CNNM1: variants seen among roughly 807,000 people sequenced by gnomAD.
CNNM1 encodes metal transporter CNNM1.
Under a neutral mutation model 78.8 loss-of-function variants are expected in CNNM1, and 44 were observed. The observed-to-expected ratio is 0.56, with a 90% confidence interval of 0.44 to 0.72. The LOEUF is 0.72. Ranked by LOEUF, CNNM1 falls within the 30% of genes least tolerant of loss-of-function variation. CNNM1 has a pLI of 0.00. For missense variants in CNNM1, 1,101 were observed against 1,292.2 expected (o/e 0.85, Z 2.27); for synonymous variants, 584 against 581.5 (o/e 1.00, Z -0.06).
At chr10:99,336,741 T>G (rs1397296227) in intron 1 of CNNM1, among the ~76,000 whole-genome samples, 1 of 152,098 alleles carries the variant, frequency 6.6e-6, no homozygotes, top group Non-Finnish European at 1.5e-5. Flanking sequence ...CCGAGACAGG[T>G]GGATCATTTG....
intron 7 of CNNM1, among the ~76,000 whole-genome samples, chr10:99,387,465 G>A (rs556939929): frequency 3.3e-5 from 5 of 152,254 alleles, no homozygotes; most frequent in South Asian, 2.1e-4. Flanking sequence ...AGTCACCCCC[G>A]ACTGACCCTT....
At chr10:99,378,788 C>G (rs535118868) in intron 7 of CNNM1, among the ~76,000 whole-genome samples, 1 of 152,194 alleles carries the variant, frequency 6.6e-6, no homozygotes, top group Non-Finnish European at 1.5e-5. Context: ...GTAAATGGCA[C>G]AGCCAAGCTT....
chr10:99,356,274 G>A (rs529514827), intron 1 of CNNM1, among the ~76,000 whole-genome samples: 9 of 152,094 alleles, frequency 5.9e-5, no homozygotes, highest in African/African-American at 1.2e-4. Flanking sequence ...TCAAGAGATC[G>A]AGACCATCTT....
intron 1 of CNNM1, among the ~76,000 whole-genome samples, chr10:99,356,604 G>A (rs984320748): frequency 9.3e-5 from 6 of 64,760 alleles, no homozygotes; most frequent in Middle Eastern, 7.8e-3. Context: ...AAGAAAGAAA[G>A]AAAAGAAAGA....
chr10:99,388,237 T>C lies in CNNM1; in HGVS notation c.2610T>C (p.Thr870=). 2 of 1,613,990 alleles carry C rather than the reference T, an allele frequency of 1.2e-6. No homozygotes were observed. Among genetic ancestry groups the C allele is most frequent in the Non-Finnish European group, 1.7e-6 (2 of 1,179,888 alleles). Residue 870 remains threonine, a synonymous_variant, in exon 9 of 11, where the codon ACT becomes ACC. Coordinates refer to ENST00000356713, the MANE Select transcript of CNNM1 (RefSeq NM_020348.3). ...EELAFTQEEM[T]DFEEHSTQQL... Reference sequence around the variant, plus strand: ...TGGCCTTCACCCAGGAAGAAATGACTGACTTCGAGGAGCACAGCACACAGC... The same window carrying C: ...TGGCCTTCACCCAGGAAGAAATGACCGACTTCGAGGAGCACAGCACACAGC...
intron 6 of CNNM1, among the ~76,000 whole-genome samples, chr10:99,365,443 G>A (rs574301939): frequency 3.9e-4 from 60 of 152,324 alleles, no homozygotes; most frequent in Non-Finnish European, 5.6e-4. Context: ...ATTTGGGGAT[G>A]TAAGTTCCAC....
chr10:99,356,592 G>GAAAGAAAGAAAGAAAGAAAGAAAGAA (rs1564947288), intron 1 of CNNM1, among the ~76,000 whole-genome samples: 1 of 124,220 alleles, frequency 8.1e-6, no homozygotes, highest in Non-Finnish European at 1.7e-5. Flanking sequence ...AAGAAAGAAA[G>GAAAGAAAGAAAGAAAGAAAGAAAGAA]AAAGAAAGAA....
Position 99,368,359 on chromosome 10 carries a change from C to T in CNNM1, c.2176+3357C>T, listed in dbSNP as rs1489069353. ...CAGGGCTCGGCTTGTGCTTGTACAT[C>T]TGATTCCAAGATGTGTTGCACATCT... On this transcript the variant is annotated intron_variant, in intron 6 of 10. Coordinates refer to ENST00000356713, the MANE Select transcript of CNNM1 (RefSeq NM_020348.3). The T allele has an allele frequency of 3.4e-5, 11 of 323,352 alleles. No homozygotes were observed. The Admixed American group carries it at 4.3e-4, about 13-fold the overall frequency. The allele number at this position is 323,352 out of a possible 1,614,324, so 20.0% of individuals were successfully genotyped here.
intron 3 of CNNM1, 103 bp from the exon 4 acceptor site, chr10:99,362,124 G>A: frequency 9.3e-7 from 1 of 1,071,952 alleles, no homozygotes; most frequent in African/African-American, 1.6e-5. Context: ...TACAGGCACA[G>A]GGGTCCCAGT....
intron 6 of CNNM1, chr10:99,368,676 C>A: frequency 7.8e-7 from 1 of 1,289,718 alleles, no homozygotes; most frequent in Non-Finnish European, 1.0e-6. Context: ...TGGCAGGCTC[C>A]CCAGGTAAAC....
Position 99,356,600 on chromosome 10 carries a change from G to GAAAGAAAGAAAAGA in CNNM1, c.1574-905_1574-904insGAAAAGAAAAGAAA, listed in dbSNP as rs780076032. On this transcript the variant is annotated intron_variant, in intron 1 of 10. Coordinates refer to ENST00000356713, the MANE Select transcript of CNNM1 (RefSeq NM_020348.3). Reference sequence around the variant, plus strand: ...AGAAAGAAAGAAAGAAAGAAAGAAAGAAAGAAAAGAAAGAAAGAAAGAAAA... The same window carrying GAAAGAAAGAAAAGA: ...AGAAAGAAAGAAAGAAAGAAAGAAAGAAAGAAAGAAAAGAAAAGAAAAGAAAGAAAGAAAGAAAA... 6.5e-3 allele frequency among the ~76,000 whole-genome samples: 842 copies of GAAAGAAAGAAAAGA among 129,238 alleles called. 5 individuals are homozygous for GAAAGAAAGAAAAGA. The highest frequency in any genetic ancestry group is 0.01 in the African/African-American group (296 of 28,766). The allele number at this position is 129,238 out of a possible 152,430, so 84.8% of individuals were successfully genotyped here. A position where few individuals can be genotyped will look rare whatever the true frequency, so the allele number is the denominator to read the frequency against.
At chr10:99,338,357 G>A (rs954924044) in intron 1 of CNNM1, among the ~76,000 whole-genome samples, 2 of 149,326 alleles carry the variant, frequency 1.3e-5, no homozygotes, top group Non-Finnish European at 3.0e-5. Flanking sequence ...GTGCAGTGGT[G>A]TGATCTCGCC....
At chr10:99,374,005 G>C (rs1589914805) in intron 6 of CNNM1, among the ~76,000 whole-genome samples, 1 of 152,098 alleles carries the variant, frequency 6.6e-6, no homozygotes, top group Non-Finnish European at 1.5e-5. Flanking sequence ...CTGTATCTTT[G>C]CTATTGTGAA....
intron 7 of CNNM1, among the ~76,000 whole-genome samples, chr10:99,386,127 G>T (rs1009319981): frequency 3.3e-5 from 5 of 152,202 alleles, no homozygotes; most frequent in African/African-American, 4.8e-5. Flanking sequence ...ATGCCATAAA[G>T]CATGGAATAT....
intron 7 of CNNM1, 79 bp downstream of exon 7, chr10:99,377,297 C>T (rs985959446): frequency 7.3e-7 from 1 of 1,374,408 alleles, no homozygotes; most frequent in Non-Finnish European, 1.0e-6. Context: ...AGACTACCCC[C>T]ATTCCTAGGA....
At chr10:99,376,345 A>G (rs1383094422) in intron 6 of CNNM1, among the ~76,000 whole-genome samples, 1 of 152,190 alleles carries the variant, frequency 6.6e-6, no homozygotes, top group Non-Finnish European at 1.5e-5. Context: ...TGCTATGAAC[A>G]TTTGTCAAGG....
At chr10:99,376,408 A>G (rs2031963715) in intron 6 of CNNM1, among the ~76,000 whole-genome samples, 1 of 152,238 alleles carries the variant, frequency 6.6e-6, no homozygotes, top group African/African-American at 2.4e-5. Context: ...TAACTTAAAA[A>G]TATTTATCCT....
chr10:99,329,972 C>T lies in CNNM1; in HGVS notation c.585C>T (p.His195=). The T allele has an allele frequency of 7.2e-7, 1 of 1,387,126 alleles. No homozygotes were observed. Among genetic ancestry groups the T allele is most frequent in the Non-Finnish European group, 9.2e-7 (1 of 1,081,900 alleles). The allele number at this position is 1,387,126 out of a possible 1,614,324, so 85.9% of individuals were successfully genotyped here. ...SLCAWDGRAW[H]HHGAAGGFLL... ...GCGCCTGGGATGGGCGCGCGTGGCACCACCACGGCGCCGCCGGCGGCTTCC... is the reference window on the plus strand; with the variant it reads ...GCGCCTGGGATGGGCGCGCGTGGCATCACCACGGCGCCGCCGGCGGCTTCC... The change falls in exon 1 of 11, where the codon CAC becomes CAT. Residue 195 remains histidine, a synonymous_variant. Coordinates refer to ENST00000356713, the MANE Select transcript of CNNM1 (RefSeq NM_020348.3).
At position 99,391,656 on chromosome 10, in the gene CNNM1, C is replaced by A; in HGVS notation, c.*140C>A. 1 of 695,440 alleles carries A rather than the reference C, an allele frequency of 1.4e-6. No individual in the cohort carries two copies. Among genetic ancestry groups the A allele is most frequent in the Non-Finnish European group, 2.4e-6 (1 of 413,770 alleles). The allele number at this position is 695,440 out of a possible 1,614,324, so 43.1% of individuals were successfully genotyped here. ...TTCCCTTCCATCTCTTCACCCCTAG[C>A]TGTCAGTTTGGCAGATTTTCCCTCG... On this transcript the variant is annotated 3_prime_UTR_variant, in exon 11 of 11. Transcript: ENST00000356713.
Sources: gnomAD v4.1 joint callset for allele counts (sites outside exome capture counted in the v4.1 genomes callset) on GRCh38, gnomAD v4.1.1 for gene constraint, MANE v1.5 for transcripts, NCBI Gene and HGNC (gene_info 2026-07-23, HGNC 2026-07-21) for gene names.